The following SGCG variants were observed in gnomAD, a reference collection of about 807,000 sequenced individuals.
SGCG encodes gamma-sarcoglycan.
A neutral mutation model predicts 29.3 loss-of-function variants in SGCG; 26 were observed. That is an observed-to-expected ratio of 0.89 (90% CI 0.65 to 1.23). The LOEUF (loss-of-function observed/expected upper bound fraction) is 1.23. Ranked by LOEUF, SGCG falls within the 50% of genes most tolerant of loss-of-function variation. The pLI is 0.00. For missense variants in SGCG, 353 were observed against 356.0 expected (o/e 0.99, Z 0.07); for synonymous variants, 145 against 129.7 (o/e 1.12, Z -0.80).
At chr13:23,198,442 T>A (rs1877600207) in intron 1 of SGCG, among the ~76,000 whole-genome samples, 2 of 152,172 alleles carry the variant, frequency 1.3e-5, no homozygotes, top group Non-Finnish European at 2.9e-5. Context: ...TTCAGAAGCA[T>A]ATGAAAGCAG....
intron 6 of SGCG, among the ~76,000 whole-genome samples, chr13:23,312,071 T>C (rs925736517): frequency 3.3e-5 from 5 of 152,224 alleles, no homozygotes; most frequent in Non-Finnish European, 7.3e-5. Flanking sequence ...CTTCTGTGTC[T>C]CTGCGGACTC....
At chr13:23,316,556 C>A (rs1882818829) in intron 6 of SGCG, among the ~76,000 whole-genome samples, 1 of 152,158 alleles carries the variant, frequency 6.6e-6, no homozygotes, top group South Asian at 2.1e-4. Context: ...GGGCAGAGTT[C>A]TCCAGAAGGC....
At chr13:23,182,455 GTC>G (rs1876778586) in intron 1 of SGCG, among the ~76,000 whole-genome samples, 1 of 151,386 alleles carries the variant, frequency 6.6e-6, no homozygotes, top group African/African-American at 2.4e-5. Flanking sequence ...ACACCTTCCT[GTC>G]TCTCCCTCCC....
chr13:23,196,564 G>A (rs942625100), intron 1 of SGCG, among the ~76,000 whole-genome samples: 5 of 152,022 alleles, frequency 3.3e-5, no homozygotes, highest in Admixed American at 1.3e-4. Context: ...ATGTTTATTC[G>A]TCACGTGTAT....
intron 4 of SGCG, among the ~76,000 whole-genome samples, chr13:23,253,800 G>C (rs1880067700): frequency 6.6e-6 from 1 of 152,122 alleles, no homozygotes; most frequent in South Asian, 2.1e-4. Flanking sequence ...GTGAAGAGTG[G>C]GTTATCACTC....
intron 5 of SGCG, among the ~76,000 whole-genome samples, chr13:23,289,887 A>G (rs1300990260): frequency 6.6e-6 from 1 of 152,190 alleles, no homozygotes; most frequent in African/African-American, 2.4e-5. Flanking sequence ...GATCAATCCA[A>G]CCATTACAAA....
At chr13:23,292,119 C>CTTTTTTTTTTTTTTTTTTTTTTTTT (rs71100167) in intron 5 of SGCG, among the ~76,000 whole-genome samples, 6 of 147,464 alleles carry the variant, frequency 4.1e-5, no homozygotes, top group Non-Finnish European at 6.0e-5. Flanking sequence ...ACATTTCTTT[C>CTTTTTTTTTTTTTTTTTTTTTTTTT]TTTTTTTTGA....
rs754949325 is a variant in SGCG at position 23,203,837 on chromosome 13, T to C, written c.143T>C (p.Val48Ala). 24 of 1,613,996 alleles carry C rather than the reference T, an allele frequency of 1.5e-5. No homozygotes were observed. In the South Asian group the frequency reaches 2.6e-4, roughly 18 times the overall value. The change falls in exon 2 of 8, where the codon GTT becomes GCT. Residue 48 changes from valine to alanine, a missense_variant. Coordinates refer to ENST00000218867, the MANE Select transcript of SGCG (RefSeq NM_000231.3). ...GTTCTTCTTTTACTCATCATCCTCG[T>C]TGTGAATTTAGCTCTTACAATTTGG... ...LFVLLLLIIL[V>A]VNLALTIWIL...
At chr13:23,314,844 A>G (rs34336687) in intron 6 of SGCG, among the ~76,000 whole-genome samples, 28,948 of 152,096 alleles carry the variant, frequency 0.19, 3,346 homozygotes, top group Non-Finnish European at 0.25. Flanking sequence ...AACCAAGAAA[A>G]CGGCACAATG....
chr13:23,312,749 C>G (rs1178440604), intron 6 of SGCG, among the ~76,000 whole-genome samples: 1 of 151,888 alleles, frequency 6.6e-6, no homozygotes, highest in African/African-American at 2.4e-5. Flanking sequence ...TAAATCTATA[C>G]ATATTTTTAA....
In SGCG at chr13:23,190,652, A is replaced by G. The variant is rs1055234380; in HGVS notation, c.-1+9577A>G. On this transcript the variant is annotated intron_variant, in intron 1 of 7. Transcript: ENST00000218867. ...ATAATTATAGTAAGTGAGGCATGAT[A>G]ACCTTTATGAAACTTATAATTCTCA... is the stretch of plus-strand genomic sequence containing the variant. Among the ~76,000 whole-genome samples, 8 of 152,330 alleles carry G rather than the reference A, an allele frequency of 5.3e-5. No individual in the cohort carries two copies. The East Asian group carries it at 1.5e-3, about 29-fold the overall frequency.
chr13:23,281,260 A>T (rs946953041), intron 5 of SGCG, among the ~76,000 whole-genome samples: 2 of 151,952 alleles, frequency 1.3e-5, no homozygotes, highest in Non-Finnish European at 2.9e-5. Context: ...GGATCACCTG[A>T]GCCTGGGAGG....
At chr13:23,197,511 A>G (rs948122665) in intron 1 of SGCG, among the ~76,000 whole-genome samples, 4 of 152,222 alleles carry the variant, frequency 2.6e-5, no homozygotes, top group African/African-American at 9.7e-5. Flanking sequence ...GTGAACGGAA[A>G]GGACCTTACC....
chr13:23,162,570 G>A, the SGCG span, among the ~76,000 whole-genome samples: 3 of 152,138 alleles, frequency 2.0e-5, no homozygotes, highest in Non-Finnish European at 4.4e-5. Flanking sequence ...AGCTTGCAGT[G>A]AGCCGAGATC....
the SGCG span, among the ~76,000 whole-genome samples, chr13:23,163,848 A>G: frequency 6.6e-6 from 1 of 152,252 alleles, no homozygotes; most frequent in South Asian, 2.1e-4. Flanking sequence ...AGATATAAAA[A>G]GGCTAAAACT....
At chr13:23,191,973 A>T (rs1471795320) in intron 1 of SGCG, among the ~76,000 whole-genome samples, 1 of 152,044 alleles carries the variant, frequency 6.6e-6, no homozygotes, top group African/African-American at 2.4e-5. Context: ...CAGGAGATCG[A>T]GACCATCCTG....
At chr13:23,216,373 T>C (rs1200472001) in intron 2 of SGCG, among the ~76,000 whole-genome samples, 1 of 152,090 alleles carries the variant, frequency 6.6e-6, no homozygotes, top group African/African-American at 2.4e-5. Flanking sequence ...AAAAAAAGTG[T>C]AAATATGAAA....
chr13:23,262,434 G>T (rs1047087742), intron 4 of SGCG, among the ~76,000 whole-genome samples: 1 of 151,736 alleles, frequency 6.6e-6, no homozygotes, highest in Non-Finnish European at 1.5e-5. Context: ...ATGATGAGAG[G>T]ATCAGTACAC....
chr13:23,198,280 G>A (rs1447983301), intron 1 of SGCG, among the ~76,000 whole-genome samples: 3 of 152,202 alleles, frequency 2.0e-5, no homozygotes, highest in Non-Finnish European at 4.4e-5. Context: ...AACTAGGCAT[G>A]ACAATAAATG....
Sources: gnomAD v4.1 joint callset for allele counts (sites outside exome capture counted in the v4.1 genomes callset) on GRCh38, gnomAD v4.1.1 for gene constraint, MANE v1.5 for transcripts, NCBI Gene and HGNC (gene_info 2026-07-23, HGNC 2026-07-21) for gene names.